DAB2: variants seen among roughly 807,000 people sequenced by gnomAD.
DAB2 encodes disabled homolog 2.
A neutral mutation model predicts 71.6 loss-of-function variants in DAB2; 28 were observed. The observed-to-expected ratio is 0.39, with a 90% CI of 0.29 to 0.54. DAB2 has a LOEUF of 0.54. Ranked by LOEUF, DAB2 falls within the 20% of genes least tolerant of loss-of-function variation. DAB2 has a pLI of 0.68. For missense variants in DAB2, 867 were observed against 928.8 expected (o/e 0.93, Z 0.86); for synonymous variants, 345 against 339.7 (o/e 1.02, Z -0.17).
chr5:39,395,054 C>T (rs539069086), intron 1 of DAB2, among the ~76,000 whole-genome samples: 2 of 152,266 alleles, frequency 1.3e-5, no homozygotes, highest in South Asian at 2.1e-4. Flanking sequence ...TAATCTAGTA[C>T]ATTTTTATGC....
intron 1 of DAB2, among the ~76,000 whole-genome samples, chr5:39,396,507 G>C (rs1323188310): frequency 1.3e-5 from 2 of 152,192 alleles, no homozygotes; most frequent in African/African-American, 2.4e-5. Context: ...TGGTAATGAG[G>C]GCAGTTGTAG....
chr5:39,374,040 C>T (rs537770828), intron 14 of DAB2, among the ~76,000 whole-genome samples: 1 of 152,230 alleles, frequency 6.6e-6, no homozygotes, highest in South Asian at 2.1e-4. Flanking sequence ...CATTGTAGAA[C>T]TGGAGTTGAG....
intron 13 of DAB2, 90 bp from the exon 14 acceptor site, chr5:39,375,174 C>T (rs1229126678): frequency 1.2e-5 from 11 of 937,558 alleles, no homozygotes; most frequent in East Asian, 2.4e-5. Context: ...TTTTAAAAAT[C>T]GCTTAGGTCA....
intron 1 of DAB2, among the ~76,000 whole-genome samples, chr5:39,424,579 G>T (rs374041327): frequency 6.6e-6 from 1 of 151,116 alleles, no homozygotes; most frequent in South Asian, 2.1e-4. Context: ...AGTCGGATTC[G>T]AAAGGTAAAT....
At chr5:39,381,399 C>T (rs1754976586) in intron 11 of DAB2, 55 bp downstream of exon 11, 2 of 1,556,326 alleles carry the variant, frequency 1.3e-6, no homozygotes, top group African/African-American at 2.7e-5. Flanking sequence ...GATGCATCAT[C>T]ATTTTATGAG....
In DAB2 at chr5:39,383,007, C is replaced by T. The variant is rs761765602; in HGVS notation, c.952G>A (p.Asp318Asn). Residue 318 changes from aspartate to asparagine, a missense_variant, in exon 10 of 15, where the codon GAT becomes AAT. Asp to Asn is a conservative substitution (Grantham distance 23). Transcript: ENST00000320816. Reference protein sequence around the residue: ...PSSFDSLKSPDQKKENSSSSS... With the variant: ...PSSFDSLKSPNQKKENSSSSS... ...CTACTCGAATTCTCTTTCTTCTGATCTGGAGATTTGAGAGAATCAAACGAA... is the reference window on the plus strand; with the variant it reads ...CTACTCGAATTCTCTTTCTTCTGATTTGGAGATTTGAGAGAATCAAACGAA... 6.2e-7 allele frequency: 1 copy of T among 1,614,078 alleles called. No individual in the cohort carries two copies. Among genetic ancestry groups the T allele is most frequent in the Non-Finnish European group, 8.5e-7 (1 of 1,180,018 alleles).
At chr5:39,395,471 G>A (rs62358415) in intron 1 of DAB2, among the ~76,000 whole-genome samples, 8,097 of 152,186 alleles carry the variant, frequency 0.053, 288 homozygotes, top group African/African-American at 0.093. Flanking sequence ...AATAACTGTC[G>A]TTTGTTAGAT....
At chr5:39,408,060 AT>A (rs1755646041) in intron 1 of DAB2, among the ~76,000 whole-genome samples, 1 of 152,220 alleles carries the variant, frequency 6.6e-6, no homozygotes, top group South Asian at 2.1e-4. Flanking sequence ...CCATATTTAT[AT>A]AATCCTCAAA....
intron 13 of DAB2, 113 bp downstream of exon 13, chr5:39,375,883 CT>C (rs1754815709): frequency 1.2e-6 from 1 of 829,682 alleles, no homozygotes; most frequent in Non-Finnish European, 1.9e-6. Flanking sequence ...AAGACTCTGT[CT>C]TAAAAAAATA....
chr5:39,390,389 C>T (rs1755199096), intron 5 of DAB2, 55 bp downstream of exon 5: 3 of 1,568,652 alleles, frequency 1.9e-6, no homozygotes, highest in East Asian at 4.5e-5. Flanking sequence ...GTGACAGACA[C>T]TCCAATGTCC....
rs370524563 is a variant in DAB2, at chr5:39,387,156, T to A, written c.687+1149A>T. ...CATCTCATTTGACCTGAAAGTTTTA[T>A]GCAGTAAGGATTCACAGGCCTCAAA... On this transcript the variant is annotated intron_variant, in intron 9 of 14. Coordinates refer to ENST00000320816, the MANE Select transcript of DAB2 (RefSeq NM_001343.4). Among the ~76,000 whole-genome samples, 207 of 152,308 alleles carry A rather than the reference T, an allele frequency of 1.4e-3. 10 individuals are homozygous for A. In the South Asian group the frequency reaches 0.04, roughly 29 times the overall value.
intron 10 of DAB2, 43 bp downstream of exon 10, chr5:39,382,575 G>A (rs768599924): frequency 7.7e-6 from 12 of 1,565,974 alleles, no homozygotes; most frequent in East Asian, 6.8e-5. Flanking sequence ...CTTTGGTACC[G>A]AACATGCACT....
intron 11 of DAB2, among the ~76,000 whole-genome samples, chr5:39,378,182 T>C (rs765939497): frequency 6.6e-6 from 1 of 152,208 alleles, no homozygotes; most frequent in African/African-American, 2.4e-5. Context: ...TCATCAGGAA[T>C]TCGTTAAATC....
intron 1 of DAB2, among the ~76,000 whole-genome samples, chr5:39,397,553 G>A (rs1326012178): frequency 6.6e-6 from 1 of 152,110 alleles, no homozygotes; most frequent in Non-Finnish European, 1.5e-5. Context: ...CCATGAACAA[G>A]CCTGATTTTG....
At position 39,388,797 on chromosome 5, in the gene DAB2, A is replaced by G. The variant is rs111293051; in HGVS notation, c.624+2T>C. On this transcript the variant is annotated splice_donor_variant, in intron 8 of 14. Transcript: ENST00000320816. LOFTEE classifies it high-confidence loss of function. ...TGTCAAACGTCACATATTAATACATACCGATTTCAGTTTGTTAGTTTGGTC... is the reference window on the plus strand; with the variant it reads ...TGTCAAACGTCACATATTAATACATGCCGATTTCAGTTTGTTAGTTTGGTC... 6.2e-7 allele frequency: 1 copy of G among 1,612,212 alleles called. No individual in the cohort carries two copies. Among genetic ancestry groups the G allele is most frequent in the East Asian group, 2.2e-5 (1 of 44,842 alleles).
chr5:39,414,466 A>G (rs1436387747), intron 1 of DAB2, among the ~76,000 whole-genome samples: 1 of 152,136 alleles, frequency 6.6e-6, no homozygotes, highest in Non-Finnish European at 1.5e-5. Context: ...TTGTTTGTGG[A>G]TAAAGTATCA....
chr5:39,389,175 GT>G, intron 6 of DAB2, 52 bp from the exon 7 acceptor site: 1 of 1,430,226 alleles, frequency 7.0e-7, no homozygotes, highest in East Asian at 2.3e-5. Context: ...GTGAAAGGGA[GT>G]TAAATACACA....
intron 1 of DAB2, among the ~76,000 whole-genome samples, chr5:39,398,375 C>A (rs1368395166): frequency 6.6e-6 from 1 of 152,136 alleles, no homozygotes; most frequent in African/African-American, 2.4e-5. Flanking sequence ...GCAAAAATTT[C>A]TCTGTTCAGA....
intron 2 of DAB2, 28 bp from the exon 3 acceptor site, chr5:39,393,421 A>T: frequency 1.2e-6 from 2 of 1,612,306 alleles, no homozygotes; most frequent in Non-Finnish European, 1.7e-6. Flanking sequence ...TACAGGATGA[A>T]GAATGCTAGT....
Sources: allele counts gnomAD v4.1 joint callset (sites outside exome capture counted in the v4.1 genomes callset), GRCh38; gene constraint gnomAD v4.1.1; transcripts MANE v1.5; gene names NCBI Gene and HGNC (gene_info 2026-07-23, HGNC 2026-07-21).